Variants in PARD3 observed in about 807,000 individuals in gnomAD.
PARD3 encodes par-3 family cell polarity regulator.
PARD3 carries 75 observed loss-of-function variants against 155.4 expected under a neutral mutation model. The observed-to-expected ratio is 0.48, with a 90% CI of 0.40 to 0.58. The LOEUF (loss-of-function observed/expected upper bound fraction) is 0.58, where lower values mean the gene tolerates loss of function less well. Ranked by LOEUF, PARD3 falls within the 20% of genes least tolerant of loss-of-function variation. The pLI, the probability that PARD3 is intolerant of heterozygous loss-of-function variation, is 0.00. For missense variants in PARD3, 1,642 were observed against 1,721.7 expected, an observed-to-expected ratio of 0.95 and a Z score of 0.82; for synonymous variants, 576 against 610.5, an observed-to-expected ratio of 0.94 and a Z score of 0.83.
intron 12 of PARD3, among the ~76,000 whole-genome samples, chr10:34,363,690 G>A (rs926717159): frequency 7.2e-5 from 11 of 151,978 alleles, no homozygotes; most frequent in African/African-American, 2.7e-4. Context: ...ACTGTTTCTC[G>A]AATTAAGATC....
intron 5 of PARD3, among the ~76,000 whole-genome samples, chr10:34,421,910 A>C (rs1445965144): frequency 1.6e-4 from 25 of 152,214 alleles, no homozygotes. Context: ...AGCAAGATAA[A>C]GTTGTAAACA....
At chr10:34,765,402 G>A (rs1479810356) in intron 1 of PARD3, among the ~76,000 whole-genome samples, 2 of 152,074 alleles carry the variant, frequency 1.3e-5, no homozygotes, top group Admixed American at 1.3e-4. Flanking sequence ...CTTCGGCCAG[G>A]TGCAGTGGCT....
In PARD3 at chr10:34,270,248, T is replaced by C. The variant is rs1955550256; in HGVS notation, c.3177-349A>G. On this transcript the variant is annotated intron_variant, in intron 21 of 24. Transcript: ENST00000374788. ...ACCTCCGCCTCCCAGGTTCAAGTGA[T>C]TCTTGTGCCCTAGCCTGCCAAGTAG... is the stretch of plus-strand genomic sequence containing the variant. Among the ~76,000 whole-genome samples the C allele has an allele frequency of 2.6e-5, 4 of 151,862 alleles. No homozygotes were observed. In the South Asian group the frequency reaches 8.3e-4, roughly 32 times the overall value.
intron 22 of PARD3, among the ~76,000 whole-genome samples, chr10:34,157,015 A>G (rs1564440333): frequency 1.3e-5 from 2 of 152,212 alleles, no homozygotes; most frequent in Non-Finnish European, 2.9e-5. Context: ...AATCATGAAC[A>G]TGATTATTGT....
intron 1 of PARD3, among the ~76,000 whole-genome samples, chr10:34,804,184 C>T (rs1588839376): frequency 6.6e-6 from 1 of 152,258 alleles, no homozygotes; most frequent in East Asian, 1.9e-4. Flanking sequence ...CAGGCACCTG[C>T]CATCACACTC....
intron 3 of PARD3, among the ~76,000 whole-genome samples, chr10:34,512,240 C>T (rs1459095392): frequency 2.0e-5 from 3 of 152,198 alleles, no homozygotes; most frequent in East Asian, 3.8e-4. Flanking sequence ...TACAAGGAAA[C>T]GCAGAATAGA....
chr10:34,761,096 T>C (rs994090114), intron 1 of PARD3, among the ~76,000 whole-genome samples: 2 of 151,854 alleles, frequency 1.3e-5, no homozygotes, highest in Non-Finnish European at 2.9e-5. Flanking sequence ...AACACAAATA[T>C]ATTCAAGTAC....
At chr10:34,136,479 G>A (rs975932124) in intron 22 of PARD3, among the ~76,000 whole-genome samples, 2 of 152,154 alleles carry the variant, frequency 1.3e-5, no homozygotes, top group Non-Finnish European at 2.9e-5. Context: ...GAATTCAATG[G>A]AAAGGAGAAG....
intron 2 of PARD3, among the ~76,000 whole-genome samples, chr10:34,517,541 T>C (rs559690259): frequency 2.5e-4 from 38 of 152,280 alleles, no homozygotes; most frequent in African/African-American, 7.7e-4. Flanking sequence ...TATACACACA[T>C]GGTATGAACT....
chr10:34,119,727 G>A lies in PARD3; in HGVS notation c.3554C>T (p.Pro1185Leu), dbSNP rs776492653. The change falls in exon 24 of 25, where the codon CCG (proline) becomes CTG (leucine). Residue 1185 changes from proline (P) to leucine (L), a missense_variant. Physicochemically the swap from Pro to Leu is moderately conservative, Grantham distance 98. This residue lies in a region of PARD3 where 1,529 missense variants were observed against 1,587.3 expected (regional missense o/e 0.96). Transcript: ENST00000374788. The stretch of plus-strand genomic sequence containing the variant: ...CGAGTGTCGCCCGCTCTGCGTCGCC[G>A]GCCGTGCGTTCGGCTGGAAGAGGAA... ...SFEQPWPNAR[P>L]ATQSGRHSVS... The A allele has an allele frequency of 1.2e-6, 2 of 1,611,186 alleles. No homozygotes were observed. The highest frequency in any genetic ancestry group is 1.1e-5 in the South Asian group (1 of 90,890).
intron 1 of PARD3, among the ~76,000 whole-genome samples, chr10:34,789,534 CA>C (rs917848239): frequency 6.0e-4 from 84 of 139,530 alleles, no homozygotes; most frequent in Admixed American, 9.4e-4. Flanking sequence ...CCTGTCTCTA[CA>C]AAAAAAAAAA....
chr10:34,459,713 G>A lies in PARD3; in HGVS notation c.583-9265C>T, dbSNP rs571053836. ...TTTTATATTTATCTAAATATTTTTC[G>A]TCTGAATTTAAAAACGAATGTATAT... On this transcript the variant is annotated intron_variant, in intron 4 of 24. Transcript: ENST00000374788. 3.8e-4 allele frequency among the ~76,000 whole-genome samples: 58 copies of A among 151,712 alleles called. 1 individual carries two copies. The highest frequency in any genetic ancestry group is 2.1e-3 in the South Asian group (10 of 4,810).
chr10:34,743,123 T>C (rs1440869693), intron 1 of PARD3, among the ~76,000 whole-genome samples: 2 of 152,224 alleles, frequency 1.3e-5, no homozygotes, highest in East Asian at 1.9e-4. Flanking sequence ...CTCATAATTA[T>C]TTTTCCATTG....
intron 22 of PARD3, among the ~76,000 whole-genome samples, chr10:34,268,148 TA>T (rs34025358): frequency 0.67 from 102,425 of 152,104 alleles, 35,928 homozygotes; most frequent in African/African-American, 0.88. Flanking sequence ...AAAGATCGTT[TA>T]AAAATTGTTT....
At chr10:34,471,946 T>A (rs763331631) in intron 3 of PARD3, among the ~76,000 whole-genome samples, 13 of 152,182 alleles carry the variant, frequency 8.5e-5, no homozygotes, top group Non-Finnish European at 1.6e-4. Flanking sequence ...TGGTCAATGG[T>A]AAAGATATGG....
At chr10:34,163,019 T>TTA (rs1949357384) in intron 22 of PARD3, among the ~76,000 whole-genome samples, 1 of 152,184 alleles carries the variant, frequency 6.6e-6, no homozygotes, top group African/African-American at 2.4e-5. Context: ...TATAGGTAGA[T>TTA]TATTACATTA....
chr10:34,667,212 C>T (rs2093509168), intron 2 of PARD3, among the ~76,000 whole-genome samples: 1 of 152,092 alleles, frequency 6.6e-6, no homozygotes, highest in Non-Finnish European at 1.5e-5. Flanking sequence ...TTAGAAAATC[C>T]AAGAACAAAA....
At chr10:34,495,835 GAA>G (rs34399388) in intron 3 of PARD3, among the ~76,000 whole-genome samples, 2,342 of 118,812 alleles carry the variant, frequency 0.02, 53 homozygotes, top group African/African-American at 0.057. Flanking sequence ...CTTTTAAAAA[GAA>G]AAAAAAAAAA....
At chr10:34,716,872 G>A (rs1009893619) in intron 1 of PARD3, among the ~76,000 whole-genome samples, 2 of 152,086 alleles carry the variant, frequency 1.3e-5, no homozygotes, top group Non-Finnish European at 2.9e-5. Flanking sequence ...GATTACAGGT[G>A]TGAGCCACTG....
Sources: allele counts gnomAD v4.1 joint callset (sites outside exome capture counted in the v4.1 genomes callset), GRCh38; gene constraint gnomAD v4.1.1; regional missense constraint gnomAD v4.1.1; transcripts MANE v1.5; gene names NCBI Gene and HGNC (gene_info 2026-07-23, HGNC 2026-07-21).